The following CIB1 variants were observed in gnomAD, a reference collection of about 807,000 sequenced individuals.
CIB1 encodes the protein calcium and integrin binding 1.
CIB1 carries 19 observed loss-of-function variants against 25.0 expected under a neutral mutation model. That is an observed-to-expected ratio of 0.76 (90% CI 0.53 to 1.12). The LOEUF (loss-of-function observed/expected upper bound fraction) is 1.12. Ranked by LOEUF, CIB1 falls within the 50% of genes most tolerant of loss-of-function variation. The probability of loss-of-function intolerance (pLI) is 0.00; values close to 1 mark genes in which losing one functional copy is unlikely to be tolerated. For missense variants in CIB1, 236 were observed against 242.6 expected (o/e 0.97, Z 0.18); for synonymous variants, 104 against 98.5 (o/e 1.06, Z -0.33).
At chr15:90,247,806 G>A in the CIB1 span, among the ~76,000 whole-genome samples, 14 of 150,784 alleles carry the variant, frequency 9.3e-5, no homozygotes, top group Admixed American at 4.0e-4. Flanking sequence ...CGCGATCTCC[G>A]TTCACTGCAA....
At chr15:90,248,884 G>A in the CIB1 span, among the ~76,000 whole-genome samples, 2 of 152,042 alleles carry the variant, frequency 1.3e-5, no homozygotes, top group African/African-American at 2.4e-5. Context: ...CAAAGTGGGT[G>A]GATGTCAGGA....
chr15:90,245,632 TGAAG>T, the CIB1 span: 1 of 152,180 alleles, frequency 6.6e-6, no homozygotes, highest in African/African-American at 2.4e-5. Context: ...GCTTGCTCTC[TGAAG>T]GGAGTTCGGA....
At chr15:90,253,329 G>A in the CIB1 span, 3 of 1,613,506 alleles carry the variant, frequency 1.9e-6, no homozygotes, top group East Asian at 4.5e-5. Context: ...AGACTGCGCT[G>A]TCTCACTGGA....
At chr15:90,232,136 C>A in intron 3 of CIB1, 83 bp downstream of exon 3, 1 of 1,123,868 alleles carries the variant, frequency 8.9e-7, no homozygotes, top group Non-Finnish European at 1.3e-6. Flanking sequence ...CCCCATGATC[C>A]CAAAGCTAGT....
chr15:90,255,723 CT>C, the CIB1 span: 1 of 1,614,020 alleles, frequency 6.2e-7, no homozygotes, highest in Non-Finnish European at 8.5e-7. Context: ...GCCACTTACT[CT>C]GGGGGCTCAT....
At chr15:90,262,419 A>G in the CIB1 span, 2 of 1,394,528 alleles carry the variant, frequency 1.4e-6, no homozygotes, top group Non-Finnish European at 9.4e-7. Context: ...CTCTTTCCTC[A>G]TCCCCATTTT....
chr15:90,262,020 A>G, the CIB1 span: 1 of 1,534,030 alleles, frequency 6.5e-7, no homozygotes, highest in Non-Finnish European at 8.7e-7. Context: ...GAAAAAACTG[A>G]GTCATCCCAT....
chr15:90,241,030 T>C, the CIB1 span: 1 of 1,614,126 alleles, frequency 6.2e-7, no homozygotes, highest in Non-Finnish European at 8.5e-7. Flanking sequence ...GCAGAAGGGA[T>C]TCAGTGGCCA....
At chr15:90,258,015 C>G in the CIB1 span, 5 of 1,609,866 alleles carry the variant, frequency 3.1e-6, no homozygotes, top group South Asian at 1.1e-5. Context: ...AACTGGCCTT[C>G]CTCTGAGCAC....
the CIB1 span, chr15:90,242,347 A>G: frequency 4.8e-6 from 1 of 207,450 alleles, no homozygotes; most frequent in Non-Finnish European, 8.8e-6. Context: ...CTGGTCTTGA[A>G]CTCTTGGGCT....
chr15:90,240,827 A>C, the CIB1 span: 2 of 984,142 alleles, frequency 2.0e-6, no homozygotes, highest in Non-Finnish European at 1.5e-6. Context: ...AAAAAAAATA[A>C]ATAAATAAAT....
upstream of CIB1, among the ~76,000 whole-genome samples, chr15:90,235,341 G>T (rs1382653855): frequency 6.6e-6 from 1 of 152,074 alleles, no homozygotes; most frequent in Non-Finnish European, 1.5e-5. Context: ...TGAAGCAGGC[G>T]GATCATTTGA....
At chr15:90,240,517 AAAAT>A in the CIB1 span, among the ~76,000 whole-genome samples, 3 of 150,558 alleles carry the variant, frequency 2.0e-5, no homozygotes, top group Non-Finnish European at 4.4e-5. Flanking sequence ...CAAAAAAATA[AAAAT>A]AAATAAATAA....
At chr15:90,261,795 A>C in the CIB1 span, among the ~76,000 whole-genome samples, 3 of 152,352 alleles carry the variant, frequency 2.0e-5, no homozygotes, top group African/African-American at 7.2e-5. Context: ...AGAAAAGAAA[A>C]GCAAATCAGA....
At chr15:90,238,662 C>T (rs750449571), upstream of CIB1, 2 of 151,746 alleles carry the variant, frequency 1.3e-5, no homozygotes, top group Non-Finnish European at 2.9e-5. Context: ...ACTAATTTCC[C>T]CCTTGAAAGG....
chr15:90,261,374 C>A, the CIB1 span, among the ~76,000 whole-genome samples: 3 of 135,664 alleles, frequency 2.2e-5, no homozygotes, highest in African/African-American at 8.1e-5. Flanking sequence ...CCACCATGCC[C>A]GGCCACTTTT....
the CIB1 span, chr15:90,257,956 C>T: frequency 1.6e-5 from 21 of 1,334,422 alleles, no homozygotes; most frequent in Non-Finnish European, 2.1e-5. Flanking sequence ...ATGCAATTAG[C>T]GTTAGTGTGA....
the CIB1 span, among the ~76,000 whole-genome samples, chr15:90,261,466 C>G: frequency 4.0e-5 from 6 of 151,318 alleles, no homozygotes; most frequent in African/African-American, 1.5e-4. Context: ...TGATAATGGA[C>G]TGCTAGCTTA....
At chr15:90,258,323 T>G in the CIB1 span, 1 of 1,476,930 alleles carries the variant, frequency 6.8e-7, no homozygotes, top group South Asian at 1.1e-5. Context: ...CCTCCTTGAA[T>G]AGGACACCTG....
Sources: allele counts gnomAD v4.1 joint callset (sites outside exome capture counted in the v4.1 genomes callset), GRCh38; gene constraint gnomAD v4.1.1; transcripts MANE v1.5; gene names NCBI Gene and HGNC (gene_info 2026-07-23, HGNC 2026-07-21).